Variants in JAZF1 observed in about 807,000 individuals in gnomAD.
The protein encoded by JAZF1 is juxtaposed with another zinc finger protein 1.
JAZF1 carries 8 observed loss-of-function variants against 26.4 expected under a neutral mutation model. The observed-to-expected ratio is 0.30, with a 90% confidence interval of 0.18 to 0.55. JAZF1 has a LOEUF of 0.55. JAZF1 is among the 20% of genes least tolerant of loss of function. JAZF1 has a pLI of 0.94. For missense variants in JAZF1, 199 were observed against 322.0 expected, an observed-to-expected ratio of 0.62 and a Z score of 2.92; for synonymous variants, 126 against 122.3, an observed-to-expected ratio of 1.03 and a Z score of -0.20.
At chr7:28,113,641 T>C (rs1011476950) in intron 1 of JAZF1, among the ~76,000 whole-genome samples, 23 of 152,176 alleles carry the variant, frequency 1.5e-4, no homozygotes, top group Non-Finnish European at 4.4e-5. Context: ...TAACTTAGGA[T>C]GTGTTTAAGC....
intron 3 of JAZF1, among the ~76,000 whole-genome samples, chr7:27,877,154 C>CCT (rs79313536): frequency 0.18 from 26,741 of 152,026 alleles, 3,025 homozygotes; most frequent in East Asian, 0.48. Context: ...TATTTTCTTC[C>CCT]GTCAAAGCAA....
chr7:28,070,181 G>A (rs1783954763), intron 1 of JAZF1, among the ~76,000 whole-genome samples: 1 of 152,178 alleles, frequency 6.6e-6, no homozygotes, highest in African/African-American at 2.4e-5. Context: ...ACTACAGCTT[G>A]ATAGCATTAC....
chr7:27,900,815 G>A lies in JAZF1; in HGVS notation c.189-5399C>T, dbSNP rs374889344. Among the ~76,000 whole-genome samples, 65 of 152,168 alleles carry A rather than the reference G, an allele frequency of 4.3e-4. No individual in the cohort carries two copies. In the South Asian group the frequency reaches 5.4e-3, roughly 13 times the overall value. On this transcript the variant is annotated intron_variant, in intron 2 of 4. Coordinates refer to ENST00000283928, the MANE Select transcript of JAZF1 (RefSeq NM_175061.4). ...AGTTTTTTAATTGACCAACACACAG[G>A]TTAGGAAAAGAAATGAAATAAAGGT... is the stretch of plus-strand genomic sequence containing the variant.
chr7:28,136,827 G>A (rs1213290895), intron 1 of JAZF1, among the ~76,000 whole-genome samples: 1 of 152,188 alleles, frequency 6.6e-6, no homozygotes, highest in African/African-American at 2.4e-5. Context: ...GAAGATGAGG[G>A]ACTTCCAGGA....
At chr7:28,103,869 A>T (rs1784511418) in intron 1 of JAZF1, among the ~76,000 whole-genome samples, 1 of 152,096 alleles carries the variant, frequency 6.6e-6, no homozygotes, top group Non-Finnish European at 1.5e-5. Context: ...GAGTCACACT[A>T]TGAAAGCACC....
At chr7:27,969,863 C>A (rs527662431) in intron 2 of JAZF1, among the ~76,000 whole-genome samples, 3 of 152,062 alleles carry the variant, frequency 2.0e-5, no homozygotes, top group Admixed American at 1.3e-4. Context: ...TGCAGTATGG[C>A]GAGAAATCAT....
chr7:28,178,845 A>G (rs1783587554), intron 1 of JAZF1, among the ~76,000 whole-genome samples: 1 of 152,236 alleles, frequency 6.6e-6, no homozygotes, highest in South Asian at 2.1e-4. Context: ...GAAAACTTGA[A>G]AAGTTTCAAA....
At chr7:27,836,926 G>A (rs530513434) in intron 4 of JAZF1, among the ~76,000 whole-genome samples, 80 of 152,204 alleles carry the variant, frequency 5.3e-4, no homozygotes, top group African/African-American at 1.7e-3. Context: ...AATATTTGAG[G>A]TATTTCTTTT....
chr7:27,906,116 T>C (rs1286554454), intron 2 of JAZF1, among the ~76,000 whole-genome samples: 1 of 152,184 alleles, frequency 6.6e-6, no homozygotes, highest in Non-Finnish European at 1.5e-5. Context: ...GCTTGAAATA[T>C]GCTAAGCAAA....
rs571670214 is a variant in JAZF1, at chr7:27,897,937, C to T, written c.189-2521G>A. 5.0e-4 allele frequency among the ~76,000 whole-genome samples: 76 copies of T among 152,296 alleles called. 1 individual carries two copies. The South Asian group carries it at 0.014, about 27-fold the overall frequency. On this transcript the variant is annotated intron_variant, in intron 2 of 4. Coordinates refer to ENST00000283928, the MANE Select transcript of JAZF1 (RefSeq NM_175061.4). ...CCTAAGAAGGTGACTTGTTGGCAGA[C>T]GGGGCAATAACATTTCAACTTCAGA...
At chr7:27,972,601 T>C (rs1785393308) in intron 2 of JAZF1, among the ~76,000 whole-genome samples, 1 of 152,112 alleles carries the variant, frequency 6.6e-6, no homozygotes, top group Admixed American at 6.5e-5. Flanking sequence ...AGCAAAGAAA[T>C]ATAGGTCTGT....
At chr7:27,980,263 G>C (rs1785554868) in intron 2 of JAZF1, among the ~76,000 whole-genome samples, 1 of 152,060 alleles carries the variant, frequency 6.6e-6, no homozygotes, top group Non-Finnish European at 1.5e-5. Flanking sequence ...GTATACTGTG[G>C]GGTTTTCCAG....
chr7:27,870,171 C>T (rs1335123713), intron 3 of JAZF1, among the ~76,000 whole-genome samples: 1 of 151,142 alleles, frequency 6.6e-6, no homozygotes, highest in South Asian at 2.1e-4. Context: ...ATGATCCACC[C>T]ACCTCAGCCT....
chr7:27,979,276 T>G (rs949605467), intron 2 of JAZF1, among the ~76,000 whole-genome samples: 5 of 151,842 alleles, frequency 3.3e-5, no homozygotes, highest in African/African-American at 7.3e-5. Flanking sequence ...AAGGTAAAGT[T>G]AATTTGGAAA....
intron 3 of JAZF1, among the ~76,000 whole-genome samples, chr7:27,852,352 A>G (rs1245632423): frequency 6.6e-6 from 1 of 151,984 alleles, no homozygotes; most frequent in Non-Finnish European, 1.5e-5. Flanking sequence ...CAGGCTGGTC[A>G]TGAACTCTTG....
chr7:28,132,022 T>C (rs1782802726), intron 1 of JAZF1, among the ~76,000 whole-genome samples: 1 of 152,234 alleles, frequency 6.6e-6, no homozygotes, highest in African/African-American at 2.4e-5. Context: ...TTGATCCTAC[T>C]ACCCTCATGA....
chr7:27,910,236 T>G (rs534736714), intron 2 of JAZF1, among the ~76,000 whole-genome samples: 1 of 152,206 alleles, frequency 6.6e-6, no homozygotes, highest in African/African-American at 2.4e-5. Context: ...AAACCACTAT[T>G]CAGTAATGCT....
intron 3 of JAZF1, among the ~76,000 whole-genome samples, chr7:27,861,367 T>C (rs1164564761): frequency 2.0e-5 from 3 of 152,166 alleles, no homozygotes; most frequent in African/African-American, 7.2e-5. Context: ...CTTTTTATTC[T>C]AATGTTACAC....
At chr7:27,954,665 C>T (rs369074132) in intron 2 of JAZF1, among the ~76,000 whole-genome samples, 1 of 152,130 alleles carries the variant, frequency 6.6e-6, no homozygotes, top group Non-Finnish European at 1.5e-5. Context: ...AAGGTTGAGG[C>T]CTATGGGTGG....
Sources: gnomAD v4.1 joint callset for allele counts (sites outside exome capture counted in the v4.1 genomes callset) on GRCh38, gnomAD v4.1.1 for gene constraint, MANE v1.5 for transcripts, NCBI Gene and HGNC (gene_info 2026-07-23, HGNC 2026-07-21) for gene names.